HNF4G: variants seen among roughly 807,000 people sequenced by gnomAD.
HNF4G encodes hepatocyte nuclear factor 4 gamma.
HNF4G carries 21 observed loss-of-function variants against 50.9 expected under a neutral mutation model. The observed-to-expected ratio is 0.41, with a 90% CI of 0.29 to 0.59. HNF4G has a LOEUF of 0.59. Among genes scored for constraint, HNF4G ranks in the 20% least tolerant of loss-of-function variants. HNF4G has a pLI of 0.26. For missense variants in HNF4G, 527 were observed against 559.4 expected, an observed-to-expected ratio of 0.94 and a Z score of 0.58; for synonymous variants, 198 against 185.6, an observed-to-expected ratio of 1.07 and a Z score of -0.54.
At chr8:75,485,187 A>AT (rs888234738) in intron 1 of HNF4G, among the ~76,000 whole-genome samples, 25 of 152,104 alleles carry the variant, frequency 1.6e-4, no homozygotes, top group Admixed American at 4.6e-4. Context: ...ACTGGTTCTT[A>AT]TTTTTTTCAC....
At chr8:75,411,572 T>G (rs1041505077) in intron 1 of HNF4G, among the ~76,000 whole-genome samples, 3 of 152,192 alleles carry the variant, frequency 2.0e-5, no homozygotes, top group African/African-American at 7.2e-5. Context: ...CATCTGATGT[T>G]CCCCTGAAAA....
At chr8:75,441,144 T>A (rs1811271508) in intron 1 of HNF4G, among the ~76,000 whole-genome samples, 1 of 152,184 alleles carries the variant, frequency 6.6e-6, no homozygotes, top group African/African-American at 2.4e-5. Context: ...CTTGTATGTG[T>A]GTTTTTTAGA....
chr8:75,481,054 C>A (rs1812365971), intron 1 of HNF4G, among the ~76,000 whole-genome samples: 1 of 152,116 alleles, frequency 6.6e-6, no homozygotes, highest in African/African-American at 2.4e-5. Context: ...AATTAGATCA[C>A]TGGTTTTCAA....
intron 1 of HNF4G, among the ~76,000 whole-genome samples, chr8:75,420,089 G>T (rs569064795): frequency 6.7e-4 from 100 of 149,614 alleles, no homozygotes; most frequent in African/African-American, 2.2e-3. Context: ...CCAATTTTTT[G>T]CTTAAATCAA....
intron 2 of HNF4G, among the ~76,000 whole-genome samples, chr8:75,534,619 G>A (rs1332266340): frequency 6.6e-6 from 1 of 151,846 alleles, no homozygotes; most frequent in Non-Finnish European, 1.5e-5. Context: ...AATAGTTCAG[G>A]TAAACCATAA....
In HNF4G at chr8:75,460,506, A is replaced by C. The variant is rs560900055; in HGVS notation, c.-143-29583A>C. Among the ~76,000 whole-genome samples, 3 of 152,296 alleles carry C rather than the reference A, an allele frequency of 2.0e-5. No individual in the cohort carries two copies. In the East Asian group the frequency reaches 5.8e-4, roughly 29 times the overall value. On this transcript the variant is annotated intron_variant, in intron 1 of 10. Transcript: ENST00000354370. Reference sequence around the variant, plus strand: ...ATAGACTTTCCAACTAAAATGATGAATGCTGTTCTGATTCTAATTGACAAG... The same window carrying C: ...ATAGACTTTCCAACTAAAATGATGACTGCTGTTCTGATTCTAATTGACAAG...
intron 1 of HNF4G, among the ~76,000 whole-genome samples, chr8:75,413,635 G>A (rs974710385): frequency 6.6e-6 from 1 of 152,014 alleles, no homozygotes; most frequent in African/African-American, 2.4e-5. Context: ...TTGGGAGGCT[G>A]AGGCGGGTGG....
At chr8:75,498,474 G>A (rs1039523962) in intron 2 of HNF4G, among the ~76,000 whole-genome samples, 2 of 152,040 alleles carry the variant, frequency 1.3e-5, no homozygotes, top group African/African-American at 4.8e-5. Flanking sequence ...ATTCGAGCAA[G>A]TATTTAAAGA....
intron 2 of HNF4G, among the ~76,000 whole-genome samples, chr8:75,507,088 GT>G (rs1376878417): frequency 6.6e-6 from 1 of 152,042 alleles, no homozygotes; most frequent in Admixed American, 6.6e-5. Flanking sequence ...ATGTGAGTGT[GT>G]TTGTAAAATA....
chr8:75,535,180 T>C (rs1415917647), upstream of HNF4G, among the ~76,000 whole-genome samples: 1 of 151,834 alleles, frequency 6.6e-6, no homozygotes, highest in Admixed American at 6.6e-5. Flanking sequence ...CAAACTTCTT[T>C]GTATATACAT....
chr8:75,500,227 A>T (rs931343644), intron 2 of HNF4G, among the ~76,000 whole-genome samples: 11 of 152,140 alleles, frequency 7.2e-5, no homozygotes, highest in Admixed American at 7.2e-4. Flanking sequence ...AATAGATGTT[A>T]CTTTAAAGAC....
At chr8:75,487,968 A>T (rs909375349) in intron 1 of HNF4G, among the ~76,000 whole-genome samples, 8 of 152,274 alleles carry the variant, frequency 5.3e-5, no homozygotes, top group Middle Eastern at 3.4e-3. Context: ...TTATAAAACC[A>T]TCAGATCTCT....
At chr8:75,424,838 G>A (rs920019407) in intron 1 of HNF4G, among the ~76,000 whole-genome samples, 1 of 152,098 alleles carries the variant, frequency 6.6e-6, no homozygotes, top group African/African-American at 2.4e-5. Context: ...ATTGTGAATA[G>A]AGCTGCGATG....
At chr8:75,534,705 C>T (rs1052208721) in intron 2 of HNF4G, among the ~76,000 whole-genome samples, 1 of 151,832 alleles carries the variant, frequency 6.6e-6, no homozygotes, top group Non-Finnish European at 1.5e-5. Flanking sequence ...TTTCTGTCAA[C>T]TTTCTTTAGA....
intron 1 of HNF4G, among the ~76,000 whole-genome samples, chr8:75,479,577 A>G (rs1441057953): frequency 6.9e-6 from 1 of 144,500 alleles, no homozygotes; most frequent in South Asian, 2.2e-4. Flanking sequence ...CTTCATTTGC[A>G]TTTTTTTTTT....
intron 2 of HNF4G, among the ~76,000 whole-genome samples, chr8:75,499,245 G>A (rs2943603): frequency 0.28 from 42,654 of 151,850 alleles, 7,464 homozygotes; most frequent in African/African-American, 0.5. Flanking sequence ...GCAAACAACA[G>A]TCAGAAGGTG....
intron 1 of HNF4G, among the ~76,000 whole-genome samples, chr8:75,425,258 T>C (rs1810866393): frequency 6.6e-6 from 1 of 151,762 alleles, no homozygotes; most frequent in Non-Finnish European, 1.5e-5. Flanking sequence ...CTAATTTTTG[T>C]ACTTCAGTGG....
intron 6 of HNF4G, among the ~76,000 whole-genome samples, chr8:75,556,440 AC>A (rs1263227800): frequency 6.6e-6 from 1 of 152,126 alleles, no homozygotes; most frequent in Non-Finnish European, 1.5e-5. Flanking sequence ...TATTTTACAC[AC>A]TTTAAAAAAA....
intron 1 of HNF4G, among the ~76,000 whole-genome samples, chr8:75,452,575 C>T (rs112223797): frequency 0.016 from 2,454 of 152,050 alleles, 71 homozygotes; most frequent in African/African-American, 0.056. Flanking sequence ...AAAAATTAGC[C>T]GGGCATGGTG....
Sources: gnomAD v4.1 joint callset for allele counts (sites outside exome capture counted in the v4.1 genomes callset) on GRCh38, gnomAD v4.1.1 for gene constraint, MANE v1.5 for transcripts, NCBI Gene and HGNC (gene_info 2026-07-23, HGNC 2026-07-21) for gene names.